ASB18: variants seen among roughly 807,000 people sequenced by gnomAD.
ASB18 encodes ankyrin repeat and SOCS box containing 18.
Under a neutral mutation model 33.4 loss-of-function variants are expected in ASB18, and 33 were observed. The ratio of observed to expected loss-of-function variants is 0.99; its 90% CI spans 0.75 to 1.32. The LOEUF (loss-of-function observed/expected upper bound fraction) is 1.32, where lower values mean the gene tolerates loss of function less well. ASB18 is among the 40% of genes most tolerant of loss of function. ASB18 has a pLI of 0.00. For synonymous variants in ASB18, 295 were observed against 307.6 expected, an observed-to-expected ratio of 0.96 and a Z score of 0.43; for missense variants, 694 against 655.5, an observed-to-expected ratio of 1.06 and a Z score of -0.64.
intron 3 of ASB18, among the ~76,000 whole-genome samples, chr2:236,227,693 CT>C (rs1488932421): frequency 5.9e-5 from 9 of 152,148 alleles, no homozygotes; most frequent in African/African-American, 2.2e-4. Context: ...ATAATTTTGC[CT>C]CTTTTCTTAG....
chr2:236,227,142 G>A (rs887754914), intron 3 of ASB18, among the ~76,000 whole-genome samples: 6 of 152,156 alleles, frequency 3.9e-5, no homozygotes, highest in African/African-American at 1.4e-4. Flanking sequence ...TTGGCAAGGC[G>A]GGGAGGGAGG....
In ASB18 at chr2:236,214,285, TGCAA is replaced by T; in HGVS notation, c.1101+73_1101+76del. On this transcript the variant is annotated intron_variant, in intron 4 of 5. Coordinates refer to ENST00000409749, the MANE Select transcript of ASB18 (RefSeq NM_212556.4). This position sits in a 1 kb window ranked among gnomAD's most constrained non-coding sequence, Gnocchi z 6.5. ...GCCATTACACTTTGAGAGCGCCGCA[TGCAA>T]CCCAGCTCCCAGGCCGGTCACTAAG... The T allele has an allele frequency of 6.9e-7, 1 of 1,458,572 alleles. No individual in the cohort carries two copies. Among genetic ancestry groups the T allele is most frequent in the Non-Finnish European group, 9.2e-7 (1 of 1,091,672 alleles). 90.4% of individuals were successfully genotyped at this position (1,458,572 alleles called of 1,614,324 possible). A position where few individuals can be genotyped will look rare whatever the true frequency, so the allele number is the denominator to read the frequency against.
intron 2 of ASB18, among the ~76,000 whole-genome samples, chr2:236,240,517 C>T (rs2060616353): frequency 6.6e-6 from 1 of 152,222 alleles, no homozygotes; most frequent in Non-Finnish European, 1.5e-5. Flanking sequence ...GCATGTGAAA[C>T]TTCTTGGTAA....
At chr2:236,207,092 A>G (rs2060437942) in intron 4 of ASB18, among the ~76,000 whole-genome samples, 1 of 152,192 alleles carries the variant, frequency 6.6e-6, no homozygotes, top group African/African-American at 2.4e-5. Context: ...GCTGAGTCCG[A>G]CTAGAAGCCA....
chr2:236,255,805 A>G lies in ASB18; in HGVS notation c.205+8336T>C, dbSNP rs2106286002. 6.6e-6 allele frequency among the ~76,000 whole-genome samples: 1 copy of G among 152,126 alleles called. No individual in the cohort carries two copies. Among genetic ancestry groups the G allele is most frequent in the South Asian group, 2.1e-4 (1 of 4,804 alleles). On this transcript the variant is annotated intron_variant, in intron 1 of 5. Coordinates refer to ENST00000409749, the MANE Select transcript of ASB18 (RefSeq NM_212556.4). This position sits in a 1 kb window ranked among gnomAD's most constrained non-coding sequence, Gnocchi z 4.4. ...TGGGGCTTCCTCTCTTCTCTGATTTACACACCCAAGTCCAAGTTGTGTCCC... is the reference window on the plus strand; with the variant it reads ...TGGGGCTTCCTCTCTTCTCTGATTTGCACACCCAAGTCCAAGTTGTGTCCC...
intron 4 of ASB18, among the ~76,000 whole-genome samples, chr2:236,207,079 T>C (rs944501614): frequency 6.6e-6 from 1 of 152,180 alleles, no homozygotes; most frequent in African/African-American, 2.4e-5. Flanking sequence ...GTGTCTCCCA[T>C]TGGCTGAGTC....
chr2:236,226,296 A>C lies in ASB18; in HGVS notation c.596+11393T>G, dbSNP rs1203921743. Among the ~76,000 whole-genome samples the C allele has an allele frequency of 6.6e-6, 1 of 152,204 alleles. No homozygotes were observed. On this transcript the variant is annotated intron_variant, in intron 3 of 5. Transcript: ENST00000409749. The surrounding 1 kb of genome is among the most constrained non-coding windows in gnomAD (Gnocchi z 4.8). ...TCAGCTGTTACAGAGTTCTGCCTGA[A>C]ATGCTGGTTGATTCATCACTTATCT...
intron 1 of ASB18, among the ~76,000 whole-genome samples, chr2:236,258,826 C>T (rs1244727310): frequency 2.0e-5 from 3 of 152,190 alleles, no homozygotes; most frequent in Non-Finnish European, 2.9e-5. Context: ...TAACTTTCCT[C>T]TGGGTGCTTA....
chr2:236,211,920 C>A lies in ASB18; in HGVS notation c.1101+2442G>T, dbSNP rs1425361497. Among the ~76,000 whole-genome samples, 2 of 152,130 alleles carry A rather than the reference C, an allele frequency of 1.3e-5. No homozygotes were observed. Among genetic ancestry groups the A allele is most frequent in the African/African-American group, 4.8e-5 (2 of 41,420 alleles). The stretch of plus-strand genomic sequence containing the variant: ...AATCCCAGTGCAAAAAGGTGGAATC[C>A]TTATTTCCAAAGATTTAATGCAGGC... On this transcript the variant is annotated intron_variant, in intron 4 of 5. Coordinates refer to ENST00000409749, the MANE Select transcript of ASB18 (RefSeq NM_212556.4). The surrounding 1 kb of genome is among the most constrained non-coding windows in gnomAD (Gnocchi z 5.0).
Position 236,225,996 on chromosome 2 carries a change from G to C in ASB18, c.597-11130C>G, listed in dbSNP as rs2106274086. On this transcript the variant is annotated intron_variant, in intron 3 of 5. Coordinates refer to ENST00000409749, the MANE Select transcript of ASB18 (RefSeq NM_212556.4). This position sits in a 1 kb window ranked among gnomAD's most constrained non-coding sequence, Gnocchi z 5.1. ...TCTACTGTGAGGTAAAAAAATTAAG[G>C]ATGACCTAAAATCTACTGTGTTTAA... 6.6e-6 allele frequency among the ~76,000 whole-genome samples: 1 copy of C among 152,254 alleles called. No homozygotes were observed. Among genetic ancestry groups the C allele is most frequent in the East Asian group, 1.9e-4 (1 of 5,184 alleles).
intron 4 of ASB18, among the ~76,000 whole-genome samples, chr2:236,198,751 T>C (rs1274316631): frequency 6.6e-6 from 1 of 152,236 alleles, no homozygotes; most frequent in Non-Finnish European, 1.5e-5. Context: ...TGCTCATTTT[T>C]CTATTGGTGT....
In ASB18 at chr2:236,263,815, G is replaced by A. The variant is rs1263180822; in HGVS notation, c.205+326C>T. 6.6e-6 allele frequency among the ~76,000 whole-genome samples: 1 copy of A among 151,542 alleles called. No homozygotes were observed. Among genetic ancestry groups the A allele is most frequent in the African/African-American group, 2.4e-5 (1 of 41,136 alleles). ...AGATTTTGTAGATCTCAAGGGAGCA[G>A]AACACACAATTATGTGTATGATATG... On this transcript the variant is annotated intron_variant, in intron 1 of 5. Transcript: ENST00000409749. The surrounding 1 kb of genome is among the most constrained non-coding windows in gnomAD (Gnocchi z 4.0).
At position 236,214,011 on chromosome 2, in the gene ASB18, C is replaced by T. The variant is rs1006205012; in HGVS notation, c.1101+351G>A. 17 of 245,218 alleles carry T rather than the reference C, an allele frequency of 6.9e-5. No individual in the cohort carries two copies. The East Asian group carries it at 1.3e-3, about 19-fold the overall frequency. The allele number at this position is 245,218 out of a possible 1,614,324, so 15.2% of individuals were successfully genotyped here. On this transcript the variant is annotated intron_variant, in intron 4 of 5. Transcript: ENST00000409749. The surrounding 1 kb of genome is among the most constrained non-coding windows in gnomAD (Gnocchi z 6.5). ...GCTGCCAAAATATTTTGAGCTCTGA[C>T]TGCATCATCGAAATAAGTGCCTGGC...
Position 236,214,809 on chromosome 2 carries a change from G to A in ASB18, c.654C>T (p.Gly218=). The A allele has an allele frequency of 8.3e-7, 1 of 1,211,164 alleles. No homozygotes were observed. Among genetic ancestry groups the A allele is most frequent in the Non-Finnish European group, 1.0e-6 (1 of 974,196 alleles). The allele number at this position is 1,211,164 out of a possible 1,614,324, so 75.0% of individuals were successfully genotyped here. The change falls in exon 4 of 6, where the codon GGC becomes GGT. Residue 218 remains glycine (G), a synonymous_variant. Transcript: ENST00000409749. This position sits in a 1 kb window ranked among gnomAD's most constrained non-coding sequence, Gnocchi z 6.5. The part of the protein sequence containing the change: ...GASVQRVGGT[G]RDTPLHVAAQ... ...CCGCCACGTGCAGCGGCGTGTCCCG[G>A]CCCGTGCCGCCCACGCGCTGCACCG...
In ASB18 at chr2:236,203,499, GAGA is replaced by G. The variant is rs901299169; in HGVS notation, c.1102-7117_1102-7115del. Among the ~76,000 whole-genome samples, 1 of 152,190 alleles carries G rather than the reference GAGA, an allele frequency of 6.6e-6. No individual in the cohort carries two copies. The highest frequency in any genetic ancestry group is 2.4e-5 in the African/African-American group (1 of 41,454). On this transcript the variant is annotated intron_variant, in intron 4 of 5. Transcript: ENST00000409749. This position sits in a 1 kb window ranked among gnomAD's most constrained non-coding sequence, Gnocchi z 6.0. ...AGACCATGGAGTCCATTATCTGCCTGAGAAGGAGGCTGGCACAGGGAGCACTTG... is the reference window on the plus strand; with the variant it reads ...AGACCATGGAGTCCATTATCTGCCTGAGGAGGCTGGCACAGGGAGCACTTG...
intron 1 of ASB18, among the ~76,000 whole-genome samples, chr2:236,254,491 C>T (rs1002085656): frequency 1.3e-5 from 2 of 151,790 alleles, no homozygotes; most frequent in African/African-American, 4.8e-5. Flanking sequence ...ACATTTTTTA[C>T]CACTAAATTT....
intron 1 of ASB18, among the ~76,000 whole-genome samples, chr2:236,258,927 A>G (rs2106287149): frequency 6.6e-6 from 1 of 152,352 alleles, no homozygotes; most frequent in African/African-American, 2.4e-5. Flanking sequence ...ATAATATATC[A>G]GCAGCAAAAT....
chr2:236,194,648 G>C lies in ASB18; in HGVS notation c.*224C>G, dbSNP rs1379969784. On this transcript the variant is annotated 3_prime_UTR_variant, in exon 6 of 6. Coordinates refer to ENST00000409749, the MANE Select transcript of ASB18 (RefSeq NM_212556.4). This position sits in a 1 kb window ranked among gnomAD's most constrained non-coding sequence, Gnocchi z 4.5. ...GTGCTGTGATAGTCACGATTTCACT[G>C]GATTTTCACAAGCGACCCTGAGAGG... Among the ~76,000 whole-genome samples the C allele has an allele frequency of 6.6e-6, 1 of 152,174 alleles. No homozygotes were observed. Among genetic ancestry groups the C allele is most frequent in the Non-Finnish European group, 1.5e-5 (1 of 68,034 alleles).
intron 4 of ASB18, among the ~76,000 whole-genome samples, chr2:236,201,308 T>C (rs1437883221): frequency 6.6e-6 from 1 of 152,092 alleles, no homozygotes; most frequent in Non-Finnish European, 1.5e-5. Flanking sequence ...CATGCCACTA[T>C]GCCAGGCTAA....
Sources: allele counts gnomAD v4.1 joint callset (sites outside exome capture counted in the v4.1 genomes callset), GRCh38; gene constraint gnomAD v4.1.1; non-coding constraint Gnocchi (gnomAD v3.1); transcripts MANE v1.5; gene names NCBI Gene and HGNC (gene_info 2026-07-23, HGNC 2026-07-21).